SLC25A21: variants seen among roughly 807,000 people sequenced by gnomAD.
The protein encoded by SLC25A21 is mitochondrial 2-oxodicarboxylate carrier.
SLC25A21 carries 47 observed loss-of-function variants against 43.8 expected under a neutral mutation model. The observed-to-expected ratio is 1.07, with a 90% CI of 0.85 to 1.37. The LOEUF is 1.37. Among genes scored for constraint, SLC25A21 ranks in the 40% most tolerant of loss-of-function variants. The pLI is 0.00. For synonymous variants in SLC25A21, 131 were observed against 121.3 expected (o/e 1.08, Z -0.52); for missense variants, 352 against 350.2 (o/e 1.00, Z -0.04).
chr14:36,733,762 C>T (rs929335253), intron 4 of SLC25A21, among the ~76,000 whole-genome samples: 2 of 151,942 alleles, frequency 1.3e-5, no homozygotes, highest in African/African-American at 2.4e-5. Context: ...GTCAGTGGTG[C>T]GGGGGAGGGG....
At chr14:37,056,211 C>A (rs1249521726) in intron 1 of SLC25A21, among the ~76,000 whole-genome samples, 5 of 152,158 alleles carry the variant, frequency 3.3e-5, no homozygotes, top group Admixed American at 3.3e-4. Context: ...CTAGTCTCGG[C>A]CGGGCGCTGT....
Position 36,680,604 on chromosome 14 carries a change from G to C in SLC25A21, c.*54C>G. The stretch of plus-strand genomic sequence containing the variant: ...CGATCGATAGTCTCTCTTCTTCATG[G>C]TGCTGCATAGCAAATATCCATTATC... On this transcript the variant is annotated 3_prime_UTR_variant, in exon 10 of 10. Coordinates refer to ENST00000331299, the MANE Select transcript of SLC25A21 (RefSeq NM_030631.4). 6.3e-7 allele frequency: 1 copy of C among 1,599,610 alleles called. No homozygotes were observed. The highest frequency in any genetic ancestry group is 8.5e-7 in the Non-Finnish European group (1 of 1,173,264).
At chr14:36,853,383 C>T (rs1378056270) in intron 2 of SLC25A21, among the ~76,000 whole-genome samples, 1 of 152,214 alleles carries the variant, frequency 6.6e-6, no homozygotes, top group East Asian at 1.9e-4. Context: ...TAAACAAATG[C>T]TCAAGCTCTC....
At chr14:36,873,579 A>G (rs1890436409) in intron 2 of SLC25A21, among the ~76,000 whole-genome samples, 1 of 152,154 alleles carries the variant, frequency 6.6e-6, no homozygotes, top group South Asian at 2.1e-4. Flanking sequence ...TACAGGCGTG[A>G]GCCACCGCGC....
intron 6 of SLC25A21, among the ~76,000 whole-genome samples, chr14:36,723,589 G>GT (rs760757960): frequency 6.6e-6 from 1 of 152,190 alleles, no homozygotes; most frequent in Non-Finnish European, 1.5e-5. Flanking sequence ...CTGCATTTGT[G>GT]TAAGTGATGA....
At chr14:36,856,417 T>A (rs1889899618) in intron 2 of SLC25A21, among the ~76,000 whole-genome samples, 1 of 152,110 alleles carries the variant, frequency 6.6e-6, no homozygotes, top group African/African-American at 2.4e-5. Flanking sequence ...AGCTCAGACA[T>A]GGCTTGTAAG....
intron 1 of SLC25A21, among the ~76,000 whole-genome samples, chr14:36,897,721 G>A (rs1891283885): frequency 6.6e-6 from 1 of 152,126 alleles, no homozygotes; most frequent in African/African-American, 2.4e-5. Context: ...TGGTGTGGAT[G>A]TCCTTTCTGT....
chr14:37,077,273 T>A (rs2415380), intron 1 of SLC25A21, among the ~76,000 whole-genome samples: 1 of 152,150 alleles, frequency 6.6e-6, no homozygotes, highest in African/African-American at 2.4e-5. Context: ...TTATTTATAA[T>A]GTGTTTAGAA....
At chr14:36,872,956 C>G (rs1206149414) in intron 2 of SLC25A21, among the ~76,000 whole-genome samples, 1 of 152,154 alleles carries the variant, frequency 6.6e-6, no homozygotes, top group Non-Finnish European at 1.5e-5. Flanking sequence ...GCACTAGATG[C>G]TCAATACACG....
At chr14:36,910,001 C>G (rs2138610202) in intron 1 of SLC25A21, among the ~76,000 whole-genome samples, 1 of 152,252 alleles carries the variant, frequency 6.6e-6, no homozygotes. Context: ...AGTGCTTCTA[C>G]ATGACACTTG....
At chr14:37,028,904 C>T (rs1961149039) in intron 1 of SLC25A21, among the ~76,000 whole-genome samples, 1 of 152,160 alleles carries the variant, frequency 6.6e-6, no homozygotes, top group Non-Finnish European at 1.5e-5. Context: ...CATAACATGA[C>T]ATATTTACCT....
intron 1 of SLC25A21, among the ~76,000 whole-genome samples, chr14:37,020,081 A>G (rs908699154): frequency 1.3e-5 from 2 of 151,940 alleles, no homozygotes; most frequent in African/African-American, 4.8e-5. Context: ...AATACATTCT[A>G]AAGTTAAACT....
Position 36,911,517 on chromosome 14 carries a change from T to C in SLC25A21, c.71-36513A>G, listed in dbSNP as rs143188800. Among the ~76,000 whole-genome samples, 102 of 152,178 alleles carry C rather than the reference T, an allele frequency of 6.7e-4. No individual in the cohort carries two copies. In the East Asian group the frequency reaches 0.018, roughly 27 times the overall value. On this transcript the variant is annotated intron_variant, in intron 1 of 9. Coordinates refer to ENST00000331299, the MANE Select transcript of SLC25A21 (RefSeq NM_030631.4). ...TGACTTGCTATGGACAACAGGACGT[T>C]AGTATGTGTTATATAAGCAGAGACT... is the stretch of plus-strand genomic sequence containing the variant.
intron 1 of SLC25A21, among the ~76,000 whole-genome samples, chr14:37,103,861 C>T (rs980579581): frequency 1.3e-5 from 2 of 152,200 alleles, no homozygotes; most frequent in Non-Finnish European, 2.9e-5. Context: ...TCATAAAGCA[C>T]TTTCCAAGCA....
intron 7 of SLC25A21, among the ~76,000 whole-genome samples, chr14:36,693,944 G>C (rs899555513): frequency 1.3e-5 from 2 of 152,116 alleles, no homozygotes; most frequent in Non-Finnish European, 1.5e-5. Context: ...TTAAGTTCTA[G>C]GGTACATGTG....
intron 1 of SLC25A21, among the ~76,000 whole-genome samples, chr14:37,081,452 C>T (rs1299153326): frequency 2.6e-5 from 4 of 152,168 alleles, no homozygotes; most frequent in Non-Finnish European, 5.9e-5. Flanking sequence ...GCACTCAATA[C>T]ACTTACAGTG....
chr14:36,873,364 C>T (rs1170819460), intron 2 of SLC25A21, among the ~76,000 whole-genome samples: 3 of 152,014 alleles, frequency 2.0e-5, no homozygotes, highest in Admixed American at 1.3e-4. Flanking sequence ...GGTGCGATCT[C>T]GGCTCACTGC....
intron 3 of SLC25A21, among the ~76,000 whole-genome samples, chr14:36,810,029 G>T (rs577040246): frequency 6.6e-6 from 1 of 151,508 alleles, no homozygotes; most frequent in Non-Finnish European, 1.5e-5. Flanking sequence ...TTTTTCTTTC[G>T]TTTAACCCAG....
chr14:36,760,331 AGAAG>A (rs57996006), intron 3 of SLC25A21, among the ~76,000 whole-genome samples: 18,022 of 136,560 alleles, frequency 0.13, 1,403 homozygotes, highest in East Asian at 0.28. Flanking sequence ...GCAGCTAGGC[AGAAG>A]GAAGGAAGGA....
Sources: allele counts gnomAD v4.1 joint callset (sites outside exome capture counted in the v4.1 genomes callset), GRCh38; gene constraint gnomAD v4.1.1; transcripts MANE v1.5; gene names NCBI Gene and HGNC (gene_info 2026-07-23, HGNC 2026-07-21).